UNC5D: variants seen among roughly 807,000 people sequenced by gnomAD.
The protein encoded by UNC5D is unc-5 netrin receptor D, also known as netrin receptor UNC5D.
A neutral mutation model predicts 105.4 loss-of-function variants in UNC5D; 39 were observed. The ratio of observed to expected loss-of-function variants is 0.37; its 90% CI spans 0.29 to 0.48. The LOEUF is 0.48. UNC5D is among the 20% of genes least tolerant of loss of function. The probability of loss-of-function intolerance (pLI) is 0.98; values close to 1 mark genes in which losing one functional copy is unlikely to be tolerated. For missense variants in UNC5D, 991 were observed against 1,202.4 expected, an observed-to-expected ratio of 0.82 and a Z score of 2.60; for synonymous variants, 452 against 450.4, an observed-to-expected ratio of 1.00 and a Z score of -0.04.
intron 1 of UNC5D, among the ~76,000 whole-genome samples, chr8:35,325,038 T>C (rs764480744): frequency 9.2e-5 from 14 of 152,084 alleles, no homozygotes; most frequent in Non-Finnish European, 1.8e-4. Flanking sequence ...AGACTGAAAG[T>C]CCCAAATAAA....
chr8:35,392,737 G>A (rs546802329), intron 1 of UNC5D, among the ~76,000 whole-genome samples: 74 of 152,236 alleles, frequency 4.9e-4, no homozygotes, highest in African/African-American at 1.5e-3. Flanking sequence ...CAACTTGGTG[G>A]GGGTAAAGGG....
intron 4 of UNC5D, among the ~76,000 whole-genome samples, chr8:35,639,416 G>A (rs1363731478): frequency 1.3e-5 from 2 of 152,178 alleles, no homozygotes; most frequent in East Asian, 3.9e-4. Context: ...AGATAGAAGA[G>A]TAATCATAGC....
chr8:35,536,668 C>A (rs1229632184), intron 1 of UNC5D, among the ~76,000 whole-genome samples: 1 of 152,014 alleles, frequency 6.6e-6, no homozygotes, highest in African/African-American at 2.4e-5. Context: ...AAAATATGGT[C>A]ACGAATGAAT....
intron 1 of UNC5D, among the ~76,000 whole-genome samples, chr8:35,474,294 T>C (rs1809935282): frequency 6.6e-6 from 1 of 152,230 alleles, no homozygotes; most frequent in Non-Finnish European, 1.5e-5. Flanking sequence ...CCTTCATATA[T>C]GCAAAGACAA....
chr8:35,248,064 T>A (rs1312543643), intron 1 of UNC5D, among the ~76,000 whole-genome samples: 33 of 68,536 alleles, frequency 4.8e-4, no homozygotes, highest in East Asian at 1.0e-3. Context: ...TATATAAATA[T>A]ATATTATATA....
rs576259497 is a variant in UNC5D at position 35,285,138 on chromosome 8, C to T, written c.103+49251C>T. Among the ~76,000 whole-genome samples the T allele has an allele frequency of 3.7e-4, 56 of 152,288 alleles. 1 individual carries two copies. The Middle Eastern group carries it at 0.01, about 28-fold the overall frequency. On this transcript the variant is annotated intron_variant, in intron 1 of 16. Coordinates refer to ENST00000404895, the MANE Select transcript of UNC5D (RefSeq NM_080872.4). Reference sequence around the variant, plus strand: ...TACCACAAATTGTATAATCATAAGACTTTCACCTCTGTGGCCTATCAACTC... The same window carrying T: ...TACCACAAATTGTATAATCATAAGATTTTCACCTCTGTGGCCTATCAACTC...
At chr8:35,761,481 C>A (rs1188442021) in intron 14 of UNC5D, among the ~76,000 whole-genome samples, 4 of 152,246 alleles carry the variant, frequency 2.6e-5, no homozygotes, top group East Asian at 3.9e-4. Flanking sequence ...CCAGCCAAAG[C>A]CAGAGGATGT....
intron 1 of UNC5D, among the ~76,000 whole-genome samples, chr8:35,318,483 C>A (rs1809470585): frequency 6.6e-6 from 1 of 152,026 alleles, no homozygotes. Flanking sequence ...ACTATGTGAC[C>A]TGGGGCAGAT....
Position 35,759,323 on chromosome 8 carries a change from G to C in UNC5D, c.2167G>C (p.Val723Leu). 6.2e-7 allele frequency: 1 copy of C among 1,612,550 alleles called. No homozygotes were observed. The highest frequency in any genetic ancestry group is 8.5e-7 in the Non-Finnish European group (1 of 1,179,642). The change falls in exon 14 of 17, where the codon GTG (valine) becomes CTG (leucine). Residue 723 changes from valine (V) to leucine (L), a missense_variant. Physicochemically the swap from Val to Leu is conservative, Grantham distance 32. Coordinates refer to ENST00000404895, the MANE Select transcript of UNC5D (RefSeq NM_080872.4). ...VDNTPCAFQE[V>L]VSDERHQGGQ... The stretch of plus-strand genomic sequence containing the variant: ...TTTTCTTTTTCTTCTCCTATAGGAA[G>C]TGGTTTCAGATGAAAGGCATCAAGG...
At chr8:35,486,939 T>C (rs777223986) in intron 1 of UNC5D, among the ~76,000 whole-genome samples, 4 of 152,106 alleles carry the variant, frequency 2.6e-5, no homozygotes, top group Non-Finnish European at 4.4e-5. Flanking sequence ...TGAGATGGGA[T>C]TCTCAGTTTT....
At position 35,672,114 on chromosome 8, in the gene UNC5D, C is replaced by G. The variant is rs191349032; in HGVS notation, c.571-11433C>G. 1.7e-3 allele frequency among the ~76,000 whole-genome samples: 261 copies of G among 152,152 alleles called. 7 individuals carry two copies. Among genetic ancestry groups the G allele is most frequent in the Admixed American group, 0.015 (226 of 15,286 alleles). ...ATGTCCATGTATGTATGATACGTGT[C>G]TGTGTATCATTAATTGTATGTAACT... On this transcript the variant is annotated intron_variant, in intron 4 of 16. Coordinates refer to ENST00000404895, the MANE Select transcript of UNC5D (RefSeq NM_080872.4).
At chr8:35,434,692 A>G (rs1208011799) in intron 1 of UNC5D, among the ~76,000 whole-genome samples, 1 of 152,146 alleles carries the variant, frequency 6.6e-6, no homozygotes, top group African/African-American at 2.4e-5. Flanking sequence ...TGGTTTTCAT[A>G]TACCATTCAT....
In UNC5D at chr8:35,790,990, T is replaced by C. The variant is rs1423761450; in HGVS notation, c.*427T>C. ...TGTCAGAGTTTTCTACCAACTGGCA[T>C]CTGTGATGTCAGAGATCATTGTAAA... On this transcript the variant is annotated 3_prime_UTR_variant, in exon 17 of 17. Coordinates refer to ENST00000404895, the MANE Select transcript of UNC5D (RefSeq NM_080872.4). 1.0e-5 allele frequency: 2 copies of C among 193,414 alleles called. No individual in the cohort carries two copies. Among genetic ancestry groups the C allele is most frequent in the Non-Finnish European group, 2.2e-5 (2 of 91,804 alleles). The allele number at this position is 193,414 out of a possible 1,614,324, so 12.0% of individuals were successfully genotyped here.
intron 4 of UNC5D, among the ~76,000 whole-genome samples, chr8:35,644,255 G>T (rs1822919798): frequency 6.6e-6 from 1 of 152,112 alleles, no homozygotes; most frequent in African/African-American, 2.4e-5. Context: ...TGAGACAGAA[G>T]TGGTTAACAG....
At chr8:35,726,695 A>G in intron 10 of UNC5D, 166 bp downstream of exon 10, 1 of 1,049,942 alleles carries the variant, frequency 9.5e-7, no homozygotes, top group South Asian at 1.6e-5. Flanking sequence ...ACCAGAACCA[A>G]TGCTGAGATT....
chr8:35,521,430 T>C (rs1053665563), intron 1 of UNC5D, among the ~76,000 whole-genome samples: 6 of 152,194 alleles, frequency 3.9e-5, no homozygotes, highest in Admixed American at 2.0e-4. Flanking sequence ...TTTTGATGTT[T>C]ATATTTTTAG....
intron 1 of UNC5D, among the ~76,000 whole-genome samples, chr8:35,446,421 T>G (rs1481735952): frequency 6.6e-6 from 1 of 152,040 alleles, no homozygotes; most frequent in Non-Finnish European, 1.5e-5. Context: ...TTGATCTTTA[T>G]GTTTAATTCT....
intron 3 of UNC5D, among the ~76,000 whole-genome samples, chr8:35,582,392 A>G (rs1322799940): frequency 6.6e-6 from 1 of 152,216 alleles, no homozygotes; most frequent in Non-Finnish European, 1.5e-5. Context: ...TTTAAAAAAT[A>G]TAGATTTGGC....
chr8:35,461,978 A>G (rs182778204), intron 1 of UNC5D, among the ~76,000 whole-genome samples: 1 of 152,282 alleles, frequency 6.6e-6, no homozygotes, highest in Non-Finnish European at 1.5e-5. Context: ...GGCCTTTCCT[A>G]ATAGATGAGG....
Sources: allele counts gnomAD v4.1 joint callset (sites outside exome capture counted in the v4.1 genomes callset), GRCh38; gene constraint gnomAD v4.1.1; transcripts MANE v1.5; gene names NCBI Gene and HGNC (gene_info 2026-07-23, HGNC 2026-07-21).